MYBPC1: variants seen among roughly 807,000 people sequenced by gnomAD.
MYBPC1 encodes the protein myosin-binding protein C, slow-type.
In MYBPC1, 52 loss-of-function variants were observed where a neutral mutation model predicts 147.1. The observed-to-expected ratio is 0.35, with a 90% CI of 0.28 to 0.45. The LOEUF (loss-of-function observed/expected upper bound fraction) is 0.45. Among genes scored for constraint, MYBPC1 ranks in the 20% least tolerant of loss-of-function variants. The pLI is 1.00. For synonymous variants in MYBPC1, 477 were observed against 475.9 expected (o/e 1.00, Z -0.03); for missense variants, 1,228 against 1,440.3 (o/e 0.85, Z 2.39).
At chr12:101,639,413 C>T (rs1891596915) in intron 10 of MYBPC1, among the ~76,000 whole-genome samples, 1 of 152,172 alleles carries the variant, frequency 6.6e-6, no homozygotes, top group African/African-American at 2.4e-5. Context: ...AGATATGTTC[C>T]AGGTGCATTA....
intron 3 of MYBPC1, among the ~76,000 whole-genome samples, chr12:101,625,331 G>A (rs1888351447): frequency 6.6e-6 from 1 of 152,184 alleles, no homozygotes; most frequent in African/African-American, 2.4e-5. Context: ...TAAGGTGTGT[G>A]TAATTTAGAG....
intron 3 of MYBPC1, among the ~76,000 whole-genome samples, chr12:101,625,227 C>A (rs1888330098): frequency 6.6e-6 from 1 of 151,388 alleles, no homozygotes; most frequent in Non-Finnish European, 1.5e-5. Context: ...ATAGAATATA[C>A]CAGGTGCATT....
At chr12:101,673,344 G>A in intron 24 of MYBPC1, 83 bp from the exon 25 acceptor site, 3 of 1,443,302 alleles carry the variant, frequency 2.1e-6, no homozygotes, top group South Asian at 1.2e-5. Flanking sequence ...AATGGGTTAA[G>A]CCACTGTCCT....
intron 20 of MYBPC1, among the ~76,000 whole-genome samples, chr12:101,661,855 C>T (rs1426068223): frequency 6.8e-6 from 1 of 147,398 alleles, no homozygotes; most frequent in Admixed American, 6.8e-5. Context: ...CAAGATCACA[C>T]CACTGCACTC....
At chr12:101,657,883 A>G (rs956731126) in intron 18 of MYBPC1, among the ~76,000 whole-genome samples, 7 of 152,284 alleles carry the variant, frequency 4.6e-5, no homozygotes, top group Admixed American at 4.6e-4. Context: ...ATAAATGTAG[A>G]TGCAAAAATT....
chr12:101,628,765 T>C (rs12300336), intron 5 of MYBPC1, among the ~76,000 whole-genome samples: 286 of 152,348 alleles, frequency 1.9e-3, no homozygotes, highest in African/African-American at 6.5e-3. Flanking sequence ...TGTCTCTCTT[T>C]ATGGGAAAGC....
In MYBPC1 at chr12:101,670,535, A is replaced by G. The variant is rs1898424600; in HGVS notation, c.2613+126A>G. 13 of 819,502 alleles carry G rather than the reference A, an allele frequency of 1.6e-5. No individual in the cohort carries two copies. In the South Asian group the frequency reaches 1.8e-4, roughly 11 times the overall value. The allele number at this position is 819,502 out of a possible 1,614,324, so 50.8% of individuals were successfully genotyped here. A position where few individuals can be genotyped will look rare whatever the true frequency, so the allele number is the denominator to read the frequency against. On this transcript the variant is annotated intron_variant, in intron 24 of 31. Transcript: ENST00000361466. Reference sequence around the variant, plus strand: ...TTCCTCAGAGGGAGAGGAGGTAAATAAAGAATGAAAGAGTATTGGAGAATG... The same window carrying G: ...TTCCTCAGAGGGAGAGGAGGTAAATGAAGAATGAAAGAGTATTGGAGAATG...
At chr12:101,660,285 T>A (rs1243745751) in intron 19 of MYBPC1, 3 of 250,940 alleles carry the variant, frequency 1.2e-5, no homozygotes, top group Non-Finnish European at 2.4e-5. Context: ...AAAACTGAGG[T>A]CATTTTTATC....
chr12:101,618,328 A>T (rs1028471154), intron 3 of MYBPC1, among the ~76,000 whole-genome samples: 1 of 152,218 alleles, frequency 6.6e-6, no homozygotes, highest in Non-Finnish European at 1.5e-5. Context: ...AGTGGCTCCC[A>T]TGGAGAGTAA....
chr12:101,695,075 C>T, the MYBPC1 span, among the ~76,000 whole-genome samples: 1 of 152,108 alleles, frequency 6.6e-6, no homozygotes, highest in Admixed American at 6.6e-5. Context: ...CCAGATCATG[C>T]CAGGTTGTTT....
chr12:101,685,767 AG>A lies in MYBPC1; in HGVS notation c.*207del. 1.0e-6 allele frequency: 1 copy of A among 961,448 alleles called. No individual in the cohort carries two copies. The highest frequency in any genetic ancestry group is 1.5e-6 in the Non-Finnish European group (1 of 665,840). 59.6% of individuals were successfully genotyped at this position (961,448 alleles called of 1,614,324 possible). ...AAAAAGCATTTTCTGTTTTCCCACC[AG>A]GCCCCCAAGTGTGGTCTTTTTCTTT... On this transcript the variant is annotated 3_prime_UTR_variant, in exon 32 of 32. Transcript: ENST00000361466.
At position 101,636,617 on chromosome 12, in the gene MYBPC1, T is replaced by G; in HGVS notation, c.609-55T>G. On this transcript the variant is annotated intron_variant, in intron 9 of 31. Coordinates refer to ENST00000361466, the MANE Select transcript of MYBPC1 (RefSeq NM_002465.4). Reference sequence around the variant, plus strand: ...TACATGTAGAGTGTTTGGGGGAAATTGTTGTGTATGTCTCTGCATTAAACC... The same window carrying G: ...TACATGTAGAGTGTTTGGGGGAAATGGTTGTGTATGTCTCTGCATTAAACC... 3 of 1,465,126 alleles carry G rather than the reference T, an allele frequency of 2.0e-6. No individual in the cohort carries two copies. The South Asian group carries it at 3.4e-5, about 17-fold the overall frequency. 90.8% of individuals were successfully genotyped at this position (1,465,126 alleles called of 1,614,324 possible).
rs376477806 is a variant in MYBPC1 at position 101,648,107 on chromosome 12, G to A, written c.1153G>A (p.Glu385Lys). ...DTTAYCGERV[E>K]LECEVSEDDA... ...AACTGCTTATTGTGGGGAGAGAGTG[G>A]AATTAGAATGTGAGGTGTCTGAAGA... is the stretch of plus-strand genomic sequence containing the variant. Residue 385 changes from glutamate (E) to lysine (K), a missense_variant, in exon 14 of 32, where the codon GAA (glutamate) becomes AAA (lysine). Physicochemically the swap from Glu to Lys is moderately conservative, Grantham distance 56 (BLOSUM62 1). Coordinates refer to ENST00000361466, the MANE Select transcript of MYBPC1 (RefSeq NM_002465.4). The A allele has an allele frequency of 1.9e-6, 3 of 1,612,956 alleles. No individual in the cohort carries two copies. The highest frequency in any genetic ancestry group is 2.5e-6 in the Non-Finnish European group (3 of 1,179,148).
chr12:101,686,662 CT>C (rs1159311725), downstream of MYBPC1, among the ~76,000 whole-genome samples: 10 of 152,098 alleles, frequency 6.6e-5, no homozygotes, highest in Non-Finnish European at 1.5e-4. Flanking sequence ...TCTTTTTGGT[CT>C]TTTGTTGCAG....
chr12:101,678,232 T>C lies in MYBPC1; in HGVS notation c.3240T>C (p.Asn1080=). The C allele has an allele frequency of 1.9e-6, 3 of 1,614,118 alleles. No homozygotes were observed. Among genetic ancestry groups the C allele is most frequent in the Non-Finnish European group, 2.5e-6 (3 of 1,179,952 alleles). ...NATLNCSVRG[N]PKPKITWMKN... is the part of the protein sequence containing the mutation. Reference sequence around the variant, plus strand: ...CCCTAAACTGCAGTGTGAGAGGAAATCCTAAGGTACCATGTTCTTCTATCA... The same window carrying C: ...CCCTAAACTGCAGTGTGAGAGGAAACCCTAAGGTACCATGTTCTTCTATCA... The change falls in exon 28 of 32, where the codon AAT becomes AAC. Residue 1080 remains asparagine, a synonymous_variant. Coordinates refer to ENST00000361466, the MANE Select transcript of MYBPC1 (RefSeq NM_002465.4).
chr12:101,652,578 A>G (rs1894721897), intron 16 of MYBPC1, 100 bp from the exon 17 acceptor site: 5 of 817,402 alleles, frequency 6.1e-6, no homozygotes, highest in Non-Finnish European at 1.1e-5. Flanking sequence ...TTCCTGCACT[A>G]AAGAAGTTAA....
At chr12:101,646,058 G>T (rs1565948883) in intron 12 of MYBPC1, among the ~76,000 whole-genome samples, 2 of 152,088 alleles carry the variant, frequency 1.3e-5, no homozygotes. Flanking sequence ...ATAAGATCAA[G>T]TCTCTACCCA....
intron 1 of MYBPC1, among the ~76,000 whole-genome samples, chr12:101,613,289 T>C (rs1884916030): frequency 6.6e-6 from 1 of 152,162 alleles, no homozygotes; most frequent in African/African-American, 2.4e-5. Flanking sequence ...CTACACATAG[T>C]GGTGACTGTT....
chr12:101,628,578 C>T (rs1449404105), intron 5 of MYBPC1, among the ~76,000 whole-genome samples: 1 of 152,040 alleles, frequency 6.6e-6, no homozygotes, highest in Non-Finnish European at 1.5e-5. Context: ...AGAGAGTTGG[C>T]AACCTATGCA....
Sources: allele counts gnomAD v4.1 joint callset (sites outside exome capture counted in the v4.1 genomes callset), GRCh38; gene constraint gnomAD v4.1.1; transcripts MANE v1.5; gene names NCBI Gene and HGNC (gene_info 2026-07-23, HGNC 2026-07-21).